The following FGF9 variants were observed in gnomAD, a reference collection of about 807,000 sequenced individuals.
The protein encoded by FGF9 is fibroblast growth factor 9 (glia-activating factor).
In FGF9, 3 loss-of-function variants were observed where a neutral mutation model predicts 19.9. That is an observed-to-expected ratio of 0.15 (90% CI 0.07 to 0.39). The LOEUF (loss-of-function observed/expected upper bound fraction) is 0.39. Among genes scored for constraint, FGF9 ranks in the 10% least tolerant of loss-of-function variants. FGF9 has a pLI of 1.00. For missense variants in FGF9, 175 were observed against 256.8 expected (o/e 0.68, Z 2.18); for synonymous variants, 107 against 106.9 (o/e 1.00, Z -0.01).
rs1004608195 is a variant in FGF9 at position 21,701,518 on chromosome 13, G to A, written c.*83G>A. 1 of 1,593,232 alleles carries A rather than the reference G, an allele frequency of 6.3e-7. No homozygotes were observed. The highest frequency in any genetic ancestry group is 8.6e-7 in the Non-Finnish European group (1 of 1,162,192). On this transcript the variant is annotated 3_prime_UTR_variant, in exon 3 of 3. Transcript: ENST00000382353. The stretch of plus-strand genomic sequence containing the variant: ...CGGTGGGTTCTTATTGATTCGCTGT[G>A]TCATCACATCAGCTCCACTGTTGCC...
intron 2 of FGF9, among the ~76,000 whole-genome samples, chr13:21,693,934 C>T (rs1872349238): frequency 6.6e-6 from 1 of 152,202 alleles, no homozygotes; most frequent in Non-Finnish European, 1.5e-5. Context: ...CAGCCCGTTT[C>T]ATTTGGTTTC....
At chr13:21,679,405 G>T (rs1029566866) in intron 1 of FGF9, among the ~76,000 whole-genome samples, 2 of 152,106 alleles carry the variant, frequency 1.3e-5, no homozygotes, top group African/African-American at 4.8e-5. Context: ...TGTGAGAGTT[G>T]CAGAATTAAT....
intron 2 of FGF9, among the ~76,000 whole-genome samples, chr13:21,685,309 G>C (rs1199505855): frequency 6.6e-6 from 1 of 152,098 alleles, no homozygotes; most frequent in Non-Finnish European, 1.5e-5. Flanking sequence ...CATTTAAAGC[G>C]TATTTTCCTA....
intron 2 of FGF9, among the ~76,000 whole-genome samples, chr13:21,692,934 C>T (rs565693660): frequency 1.3e-5 from 2 of 152,264 alleles, no homozygotes; most frequent in South Asian, 4.1e-4. Flanking sequence ...TTTATCTGCT[C>T]AATTAAACAA....
chr13:21,672,282 G>C lies in FGF9; in HGVS notation c.277+93G>C. ...GGTGGCCGGGTGGGGGACGTGGGAA[G>C]GGTTCTCCCCTCCTCCCCTCTTTCT... On this transcript the variant is annotated intron_variant, in intron 1 of 2. Transcript: ENST00000382353. The surrounding 1 kb of genome is among the most constrained non-coding windows in gnomAD (Gnocchi z 4.2). 1 of 1,369,458 alleles carries C rather than the reference G, an allele frequency of 7.3e-7. No homozygotes were observed. The highest frequency in any genetic ancestry group is 1.0e-6 in the Non-Finnish European group (1 of 962,674). 84.8% of individuals were successfully genotyped at this position (1,369,458 alleles called of 1,614,324 possible). A position where few individuals can be genotyped will look rare whatever the true frequency, so the allele number is the denominator to read the frequency against.
chr13:21,674,858 G>A (rs575510591), intron 1 of FGF9, among the ~76,000 whole-genome samples: 48 of 151,896 alleles, frequency 3.2e-4, no homozygotes, highest in Admixed American at 2.9e-3. Context: ...CGCATTCTAG[G>A]GTGAGCGGAT....
chr13:21,686,322 C>T (rs558792354), intron 2 of FGF9, among the ~76,000 whole-genome samples: 3 of 152,282 alleles, frequency 2.0e-5, no homozygotes, highest in East Asian at 3.9e-4. Context: ...AGCCCCCATG[C>T]TTGGCTTTCA....
chr13:21,674,067 CT>C (rs1871841788), intron 1 of FGF9: 1 of 152,464 alleles, frequency 6.6e-6, no homozygotes, highest in Non-Finnish European at 1.5e-5. Flanking sequence ...AGTTGAGCCC[CT>C]TCGCTTTCTC....
At chr13:21,682,014 C>CTT (rs1180691495) in intron 2 of FGF9, among the ~76,000 whole-genome samples, 1 of 142,318 alleles carries the variant, frequency 7.0e-6, no homozygotes, top group African/African-American at 2.6e-5. Context: ...TCTTTTCTTT[C>CTT]TTTTTTTTTT....
chr13:21,671,795 TTC>T lies in FGF9; in HGVS notation c.-106_-105del, dbSNP rs369053667. On this transcript the variant is annotated 5_prime_UTR_variant, in exon 1 of 3. Transcript: ENST00000382353. Reference sequence around the variant, plus strand: ...TGGATTGAAGAAAAGAACCTTTTTTTTCTCTCTCTCTCTGCAACTGCAGTAAG... The same window carrying T: ...TGGATTGAAGAAAAGAACCTTTTTTTTCTCTCTCTCTGCAACTGCAGTAAG... The T allele has an allele frequency of 1.1e-3, 1,229 of 1,161,322 alleles. No individual in the cohort carries two copies. Among genetic ancestry groups the T allele is most frequent in the Non-Finnish European group, 1.3e-3 (1,002 of 790,034 alleles). 71.9% of individuals were successfully genotyped at this position (1,161,322 alleles called of 1,614,324 possible).
In FGF9 at chr13:21,672,286, TC is replaced by T; in HGVS notation, c.277+98del. 1.6e-6 allele frequency: 2 copies of T among 1,281,648 alleles called. No individual in the cohort carries two copies. Among genetic ancestry groups the T allele is most frequent in the South Asian group, 2.4e-5 (2 of 83,562 alleles). The allele number at this position is 1,281,648 out of a possible 1,614,324, so 79.4% of individuals were successfully genotyped here. A position where few individuals can be genotyped will look rare whatever the true frequency, so the allele number is the denominator to read the frequency against. ...GCCGGGTGGGGGACGTGGGAAGGGTTCTCCCCTCCTCCCCTCTTTCTCTGTA... is the reference window on the plus strand; with the variant it reads ...GCCGGGTGGGGGACGTGGGAAGGGTTTCCCCTCCTCCCCTCTTTCTCTGTA... On this transcript the variant is annotated intron_variant, in intron 1 of 2. Transcript: ENST00000382353. This position sits in a 1 kb window ranked among gnomAD's most constrained non-coding sequence, Gnocchi z 4.2.
Position 21,672,814 on chromosome 13 carries a change from G to A in FGF9, c.277+625G>A, listed in dbSNP as rs1461529321. ...GGGGAAAATGACTTGGGAAGAGGCA[G>A]GGCGCTCAGGGGTTTTTGTCCTTCC... On this transcript the variant is annotated intron_variant, in intron 1 of 2. Coordinates refer to ENST00000382353, the MANE Select transcript of FGF9 (RefSeq NM_002010.3). The surrounding 1 kb of genome is among the most constrained non-coding windows in gnomAD (Gnocchi z 4.2). Among the ~76,000 whole-genome samples, 2 of 152,316 alleles carry A rather than the reference G, an allele frequency of 1.3e-5. No homozygotes were observed. Among genetic ancestry groups the A allele is most frequent in the East Asian group, 3.9e-4 (2 of 5,182 alleles).
chr13:21,687,315 A>G (rs183266726), intron 2 of FGF9, among the ~76,000 whole-genome samples: 1 of 152,310 alleles, frequency 6.6e-6, no homozygotes, highest in Non-Finnish European at 1.5e-5. Flanking sequence ...AAAGGAGACA[A>G]TGAAGTACCT....
chr13:21,690,185 GCTCACACA>G, intron 2 of FGF9, among the ~76,000 whole-genome samples: 1 of 151,910 alleles, frequency 6.6e-6, no homozygotes, highest in Non-Finnish European at 1.5e-5. Context: ...TCGCACACTC[GCTCACACA>G]CTCACACACT....
At chr13:21,679,598 A>C (rs879591987) in intron 1 of FGF9, among the ~76,000 whole-genome samples, 1 of 152,014 alleles carries the variant, frequency 6.6e-6, no homozygotes, top group Non-Finnish European at 1.5e-5. Context: ...AAAATGTAGC[A>C]CTTTAATTTA....
In FGF9 at chr13:21,690,776, C is replaced by T. The variant is rs113189177; in HGVS notation, c.381+9631C>T. Among the ~76,000 whole-genome samples the T allele has an allele frequency of 4.1e-3, 626 of 152,288 alleles. 9 individuals are homozygous for T. Among genetic ancestry groups the T allele is most frequent in the African/African-American group, 0.014 (592 of 41,570 alleles). On this transcript the variant is annotated intron_variant, in intron 2 of 2. Transcript: ENST00000382353. ...CTCAGCTCTGCTGGAAGCAAGGGTC[C>T]TCTTTGGGATCTGTTTCGTGCCATG... is the stretch of plus-strand genomic sequence containing the variant.
rs185100087 is a variant in FGF9, at chr13:21,698,438, T to G, written c.382-2752T>G. On this transcript the variant is annotated intron_variant, in intron 2 of 2. Transcript: ENST00000382353. ...CAGCACTGCTCTCTGATTGGATCTC[T>G]GTCACAACCCTGCCTCAAGACACTT... 8.7e-4 allele frequency among the ~76,000 whole-genome samples: 133 copies of G among 152,352 alleles called. 1 individual carries two copies. Among genetic ancestry groups the G allele is most frequent in the African/African-American group, 2.9e-3 (122 of 41,578 alleles).
Position 21,672,907 on chromosome 13 carries a change from G to A in FGF9, c.277+718G>A, listed in dbSNP as rs1871802867. On this transcript the variant is annotated intron_variant, in intron 1 of 2. Transcript: ENST00000382353. This position sits in a 1 kb window ranked among gnomAD's most constrained non-coding sequence, Gnocchi z 4.2. ...GCAGCCCTGTGTAGGTCTCCTGCGT[G>A]GCTCTCTGGTGTGAGTGTGTGCGCG... 7.0e-6 allele frequency among the ~76,000 whole-genome samples: 1 copy of A among 142,934 alleles called. No homozygotes were observed. The highest frequency in any genetic ancestry group is 2.3e-4 in the South Asian group (1 of 4,398). The allele number at this position is 142,934 out of a possible 152,430, so 93.8% of individuals were successfully genotyped here. A position where few individuals can be genotyped will look rare whatever the true frequency, so the allele number is the denominator to read the frequency against.
chr13:21,701,262 C>G lies in FGF9; in HGVS notation c.454C>G (p.Leu152Val), dbSNP rs750565955. The change falls in exon 3 of 3, where the codon CTA becomes GTA. Residue 152 changes from leucine (L) to valine (V), a missense_variant. By Grantham distance (32) the Leu-to-Val change is conservative. Coordinates refer to ENST00000382353, the MANE Select transcript of FGF9 (RefSeq NM_002010.3). ...CTGGTATAATACGTACTCATCAAAC[C>G]TATATAAGCACGTGGACACTGGAAG... ...ENWYNTYSSNLYKHVDTGRRY... is the reference protein window; with the variant it reads ...ENWYNTYSSNVYKHVDTGRRY... 1.9e-6 allele frequency: 3 copies of G among 1,613,584 alleles called. No individual in the cohort carries two copies. The Admixed American group carries it at 5.0e-5, about 27-fold the overall frequency.
Sources: gnomAD v4.1 joint callset for allele counts (sites outside exome capture counted in the v4.1 genomes callset) on GRCh38, gnomAD v4.1.1 for gene constraint, Gnocchi (gnomAD v3.1) non-coding constraint, MANE v1.5 for transcripts, NCBI Gene and HGNC (gene_info 2026-07-23, HGNC 2026-07-21) for gene names.